The following TSHZ2 variants were observed in gnomAD, a reference collection of about 807,000 sequenced individuals.
TSHZ2 encodes the protein teashirt homolog 2.
Under a neutral mutation model 74.4 loss-of-function variants are expected in TSHZ2, and 21 were observed. That is an observed-to-expected ratio of 0.28 (90% confidence interval 0.20 to 0.41). TSHZ2 has a LOEUF of 0.41. TSHZ2 is among the 10% of genes least tolerant of loss of function. The pLI is 1.00. For missense variants in TSHZ2, 1,244 were observed against 1,293.5 expected, an observed-to-expected ratio of 0.96 and a Z score of 0.59; for synonymous variants, 540 against 515.3, an observed-to-expected ratio of 1.05 and a Z score of -0.65.
At chr20:53,039,047 C>T (rs1008209306) in intron 1 of TSHZ2, among the ~76,000 whole-genome samples, 10 of 151,948 alleles carry the variant, frequency 6.6e-5, no homozygotes, top group East Asian at 1.9e-4. Context: ...CAGTCATGCC[C>T]GGCTAATTTT....
intron 2 of TSHZ2, among the ~76,000 whole-genome samples, chr20:53,410,103 T>C (rs1362777855): frequency 6.6e-6 from 1 of 152,082 alleles, no homozygotes. Context: ...CACCTCGGCC[T>C]CCCAAAGTGC....
At chr20:53,312,386 A>T (rs567094356) in intron 2 of TSHZ2, among the ~76,000 whole-genome samples, 2 of 152,318 alleles carry the variant, frequency 1.3e-5, no homozygotes, top group South Asian at 4.1e-4. Context: ...GATATGTCAC[A>T]CACACACCAA....
At chr20:53,302,878 C>T (rs1263754696) in intron 2 of TSHZ2, among the ~76,000 whole-genome samples, 1 of 152,142 alleles carries the variant, frequency 6.6e-6, no homozygotes. Context: ...CTCAAAATAG[C>T]AGCAATGTAA....
chr20:53,246,026 TTC>T (rs1990192579), intron 1 of TSHZ2, among the ~76,000 whole-genome samples: 1 of 144,320 alleles, frequency 6.9e-6, no homozygotes, highest in Non-Finnish European at 1.5e-5. Flanking sequence ...GTGCTTTTCT[TTC>T]TTTCTTTCTT....
At chr20:53,411,367 T>C (rs999024431) in intron 2 of TSHZ2, among the ~76,000 whole-genome samples, 1 of 152,212 alleles carries the variant, frequency 6.6e-6, no homozygotes, top group Non-Finnish European at 1.5e-5. Flanking sequence ...ACTCTGGGTC[T>C]CCAAGTGAGC....
intron 1 of TSHZ2, among the ~76,000 whole-genome samples, chr20:53,140,826 G>C (rs980531930): frequency 6.6e-6 from 1 of 152,208 alleles, no homozygotes; most frequent in African/African-American, 2.4e-5. Context: ...TGGGGGCAAA[G>C]CATGCCAGGT....
intron 2 of TSHZ2, among the ~76,000 whole-genome samples, chr20:53,394,380 A>G (rs1014231571): frequency 2.7e-5 from 4 of 150,524 alleles, no homozygotes; most frequent in Admixed American, 6.6e-5. Flanking sequence ...TATGTGTACT[A>G]TTAAAACTGA....
chr20:53,330,893 A>C (rs1202390495), intron 2 of TSHZ2, among the ~76,000 whole-genome samples: 1 of 152,160 alleles, frequency 6.6e-6, no homozygotes, highest in African/African-American at 2.4e-5. Flanking sequence ...TCCCCACAAG[A>C]GCCTGGCTTC....
intron 2 of TSHZ2, among the ~76,000 whole-genome samples, chr20:53,303,223 G>A (rs1037923760): frequency 2.0e-5 from 3 of 152,292 alleles, no homozygotes; most frequent in East Asian, 3.9e-4. Context: ...GACAGGGACC[G>A]ATTTACTGCT....
In TSHZ2 at chr20:53,358,966, A is replaced by G. The variant is rs191267249; in HGVS notation, c.*8+102395A>G. ...TTTAGGAATCAAAAACCAAATGTCT[A>G]TTGTGAACACAAGTCTAAGAAAGAG... is the stretch of plus-strand genomic sequence containing the variant. On this transcript the variant is annotated intron_variant, in intron 2 of 2. Coordinates refer to ENST00000371497, the MANE Select transcript of TSHZ2 (RefSeq NM_173485.6). Among the ~76,000 whole-genome samples, 52 of 152,342 alleles carry G rather than the reference A, an allele frequency of 3.4e-4. No individual in the cohort carries two copies. The East Asian group carries it at 7.7e-3, about 23-fold the overall frequency.
chr20:53,156,478 AC>A (rs1314123818), intron 1 of TSHZ2, among the ~76,000 whole-genome samples: 1 of 152,176 alleles, frequency 6.6e-6, no homozygotes, highest in Non-Finnish European at 1.5e-5. Context: ...TTTTGTATGC[AC>A]CATCTCACTT....
chr20:53,149,597 A>C (rs1302805105), intron 1 of TSHZ2, among the ~76,000 whole-genome samples: 3 of 152,196 alleles, frequency 2.0e-5, no homozygotes, highest in Non-Finnish European at 4.4e-5. Flanking sequence ...CGCTCAGCTC[A>C]TGGTGCCAAT....
At chr20:53,139,286 T>C (rs1466452058) in intron 1 of TSHZ2, among the ~76,000 whole-genome samples, 2 of 152,220 alleles carry the variant, frequency 1.3e-5, no homozygotes, top group Admixed American at 1.3e-4. Flanking sequence ...GTACAGGGTC[T>C]GGTTTATAGT....
intron 2 of TSHZ2, among the ~76,000 whole-genome samples, chr20:53,465,926 A>G (rs1985542498): frequency 6.6e-6 from 1 of 151,254 alleles, no homozygotes; most frequent in Non-Finnish European, 1.5e-5. Context: ...CACAACCACA[A>G]ACATCGCCAC....
intron 1 of TSHZ2, among the ~76,000 whole-genome samples, chr20:53,031,543 C>A (rs908561347): frequency 6.6e-6 from 1 of 152,144 alleles, no homozygotes. Context: ...TAGCATCTGA[C>A]TCCTGCGTGC....
chr20:53,363,132 C>T (rs556999016), intron 2 of TSHZ2, among the ~76,000 whole-genome samples: 4 of 152,350 alleles, frequency 2.6e-5, no homozygotes, highest in South Asian at 4.1e-4. Flanking sequence ...GCACGTCTCC[C>T]GGAGGTCCCC....
At chr20:53,370,656 CAG>C (rs1348601351) in intron 2 of TSHZ2, among the ~76,000 whole-genome samples, 1 of 152,072 alleles carries the variant, frequency 6.6e-6, no homozygotes, top group East Asian at 1.9e-4. Context: ...CCCAGATACT[CAG>C]GGGGCTGAGG....
chr20:53,419,130 G>A (rs559560415), intron 2 of TSHZ2, among the ~76,000 whole-genome samples: 5 of 152,328 alleles, frequency 3.3e-5, no homozygotes, highest in Admixed American at 1.3e-4. Flanking sequence ...AACTGTCTCA[G>A]CATTAAGCCG....
intron 1 of TSHZ2, among the ~76,000 whole-genome samples, chr20:53,157,170 A>C (rs1987814375): frequency 6.6e-6 from 1 of 152,206 alleles, no homozygotes; most frequent in African/African-American, 2.4e-5. Flanking sequence ...ATGAGCAAAG[A>C]AGCTAATTTC....
Sources: gnomAD v4.1 joint callset for allele counts (sites outside exome capture counted in the v4.1 genomes callset) on GRCh38, gnomAD v4.1.1 for gene constraint, MANE v1.5 for transcripts, NCBI Gene and HGNC (gene_info 2026-07-23, HGNC 2026-07-21) for gene names.